CYP2U1: variants seen among roughly 807,000 people sequenced by gnomAD.
CYP2U1 encodes the protein cytochrome P450 2U1.
A neutral mutation model predicts 42.8 loss-of-function variants in CYP2U1; 28 were observed. The observed-to-expected ratio is 0.65, with a 90% CI of 0.48 to 0.90. CYP2U1 has a LOEUF of 0.90. Ranked by LOEUF, CYP2U1 falls within the 40% of genes least tolerant of loss-of-function variation. The pLI is 0.00. For synonymous variants in CYP2U1, 296 were observed against 278.9 expected, an observed-to-expected ratio of 1.06 and a Z score of -0.61; for missense variants, 642 against 693.8, an observed-to-expected ratio of 0.93 and a Z score of 0.84.
Position 107,951,795 on chromosome 4 carries a change from C to T in CYP2U1, c.*1372C>T, listed in dbSNP as rs1733917958. On this transcript the variant is annotated 3_prime_UTR_variant, in exon 5 of 5. Transcript: ENST00000332884. ...TGAACCTTTCCTCATGCTGGCTCTA[C>T]ACTTAATCCTTTACTTGTATGTTTC... The T allele has an allele frequency of 6.6e-6, 1 of 152,204 alleles. No individual in the cohort carries two copies. The highest frequency in any genetic ancestry group is 1.5e-5 in the Non-Finnish European group (1 of 68,038). 9.4% of individuals were successfully genotyped at this position (152,204 alleles called of 1,614,324 possible).
chr4:107,946,716 G>A (rs1188724168), intron 2 of CYP2U1, among the ~76,000 whole-genome samples: 1 of 152,138 alleles, frequency 6.6e-6, no homozygotes, highest in Non-Finnish European at 1.5e-5. Context: ...CATGAAGTTA[G>A]AGTTAAGATG....
intron 1 of CYP2U1, chr4:107,937,567 T>TG (rs926440798): frequency 3.9e-5 from 6 of 151,938 alleles, no homozygotes; most frequent in African/African-American, 7.3e-5. Context: ...GGAGTGCAGT[T>TG]GCAAAATCTC....
chr4:107,933,491 A>T (rs1164551400), intron 1 of CYP2U1, among the ~76,000 whole-genome samples: 4 of 152,228 alleles, frequency 2.6e-5, no homozygotes, highest in Non-Finnish European at 4.4e-5. Flanking sequence ...TCAGTGGGGC[A>T]TTTAAAGTAT....
In CYP2U1 at chr4:107,950,283, G is replaced by C; in HGVS notation, c.1495G>C (p.Glu499Gln). The change falls in exon 5 of 5, where the codon GAA becomes CAA. Residue 499 changes from glutamate (E) to glutamine (Q), a missense_variant. Glu to Gln is a conservative substitution (Grantham distance 29, BLOSUM62 2). Coordinates refer to ENST00000332884, the MANE Select transcript of CYP2U1 (RefSeq NM_183075.3). ...VCMGEQLAKMELFLMFVSLMQ... is the reference protein window; with the variant it reads ...VCMGEQLAKMQLFLMFVSLMQ... ...TATGGGAGAACAACTGGCAAAGATG[G>C]AATTATTCCTAATGTTTGTGAGCCT... The C allele has an allele frequency of 6.2e-7, 1 of 1,613,336 alleles. No homozygotes were observed. Among genetic ancestry groups the C allele is most frequent in the Non-Finnish European group, 8.5e-7 (1 of 1,179,786 alleles).
Position 107,947,595 on chromosome 4 carries a change from A to G in CYP2U1, c.1288+58A>G. The G allele has an allele frequency of 1.9e-6, 3 of 1,563,242 alleles. No individual in the cohort carries two copies. In the South Asian group the frequency reaches 3.4e-5, roughly 18 times the overall value. On this transcript the variant is annotated intron_variant, in intron 3 of 4. Transcript: ENST00000332884. ...TGACGGAAGCAGGGCCCTCTAATCC[A>G]GGGTAGTTGAGGTGAGGGGTGTGGT...
intron 1 of CYP2U1, among the ~76,000 whole-genome samples, chr4:107,944,520 G>A (rs1020730432): frequency 2.0e-5 from 3 of 150,722 alleles, no homozygotes; most frequent in Non-Finnish European, 3.0e-5. Context: ...TGCCCAAGCT[G>A]GTCTGGAACT....
Position 107,950,349 on chromosome 4 carries a change from A to C in CYP2U1, c.1561A>C (p.Lys521Gln). ...ATTTGCTTTACCTGAGGATTCTAAGAAGCCCCTCCTGACTGGAAGATTTGG... is the reference window on the plus strand; with the variant it reads ...ATTTGCTTTACCTGAGGATTCTAAGCAGCCCCTCCTGACTGGAAGATTTGG... ...FAFALPEDSK[K>Q]PLLTGRFGLT... Residue 521 changes from lysine (K) to glutamine (Q), a missense_variant, in exon 5 of 5, where the codon AAG becomes CAG. Transcript: ENST00000332884. 1 of 1,614,116 alleles carries C rather than the reference A, an allele frequency of 6.2e-7. No individual in the cohort carries two copies. The highest frequency in any genetic ancestry group is 1.6e-4 in the Middle Eastern group (1 of 6,062).
In CYP2U1 at chr4:107,951,492, T is replaced by C. The variant is rs896812741; in HGVS notation, c.*1069T>C. ...GATGGTCCCTCTGGAAAAGCAGTTT[T>C]CAGCAGGGGTGGTAACCCCTTCAGA... On this transcript the variant is annotated 3_prime_UTR_variant, in exon 5 of 5. Transcript: ENST00000332884. 6.6e-6 allele frequency: 1 copy of C among 152,224 alleles called. No homozygotes were observed. Among genetic ancestry groups the C allele is most frequent in the African/African-American group, 2.4e-5 (1 of 41,454 alleles). 9.4% of individuals were successfully genotyped at this position (152,224 alleles called of 1,614,324 possible).
In CYP2U1 at chr4:107,951,560, T is replaced by C. The variant is rs1026716809; in HGVS notation, c.*1137T>C. 1.3e-5 allele frequency: 2 copies of C among 152,250 alleles called. No homozygotes were observed. The highest frequency in any genetic ancestry group is 2.4e-5 in the African/African-American group (1 of 41,448). The allele number at this position is 152,250 out of a possible 1,614,324, so 9.4% of individuals were successfully genotyped here. A position where few individuals can be genotyped will look rare whatever the true frequency, so the allele number is the denominator to read the frequency against. On this transcript the variant is annotated 3_prime_UTR_variant, in exon 5 of 5. Coordinates refer to ENST00000332884, the MANE Select transcript of CYP2U1 (RefSeq NM_183075.3). ...TGGGTATGATTCTTGGTTATCATAA[T>C]GATGGGGGTGCTACTGGCCTTCTGC...
intron 1 of CYP2U1, chr4:107,936,350 G>A (rs1461154971): frequency 1.3e-5 from 2 of 152,204 alleles, no homozygotes; most frequent in African/African-American, 2.4e-5. Context: ...AAGATGACTA[G>A]GTCATGAGGG....
intron 1 of CYP2U1, among the ~76,000 whole-genome samples, chr4:107,941,677 G>T (rs895472385): frequency 6.6e-6 from 1 of 151,516 alleles, no homozygotes; most frequent in Non-Finnish European, 1.5e-5. Context: ...GTGAACTGCA[G>T]CTAGAGTAGT....
intron 1 of CYP2U1, among the ~76,000 whole-genome samples, chr4:107,934,954 C>T (rs1578713598): frequency 1.3e-5 from 2 of 152,322 alleles, no homozygotes; most frequent in Non-Finnish European, 1.5e-5. Flanking sequence ...CACCTCTCAA[C>T]GGAATGTGAG....
chr4:107,932,220 C>A (rs1733028761), intron 1 of CYP2U1, 87 bp downstream of exon 1: 2 of 1,471,080 alleles, frequency 1.4e-6, no homozygotes, highest in East Asian at 2.5e-5. Context: ...GTGCCCCTTC[C>A]GGCCGCCCGC....
chr4:107,945,693 A>G, intron 2 of CYP2U1, 88 bp downstream of exon 2: 2 of 1,463,968 alleles, frequency 1.4e-6, no homozygotes, highest in African/African-American at 1.4e-5. Context: ...GGCTTCTAAC[A>G]CTGAGCAATG....
At chr4:107,935,386 T>C (rs1339109464) in intron 1 of CYP2U1, among the ~76,000 whole-genome samples, 6 of 152,212 alleles carry the variant, frequency 3.9e-5, no homozygotes, top group Admixed American at 1.3e-4. Context: ...GAGACAGGAT[T>C]TTCTTAGGCA....
At position 107,945,019 on chromosome 4, in the gene CYP2U1, C is replaced by A. The variant is rs778117975; in HGVS notation, c.540C>A (p.Phe180Leu). The stretch of plus-strand genomic sequence containing the variant: ...CCGTCTGGAGACAACAAAGGAAGTT[C>A]TCTCATTCAACTCTTCGTCATTTTG... ...YGPVWRQQRK[F>L]SHSTLRHFGL... Residue 180 changes from phenylalanine (F) to leucine (L), a missense_variant, in exon 2 of 5, where the codon TTC (phenylalanine) becomes TTA (leucine). By Grantham distance (22) the Phe-to-Leu change is conservative. Transcript: ENST00000332884. The A allele has an allele frequency of 6.2e-7, 1 of 1,613,342 alleles. No individual in the cohort carries two copies. The highest frequency in any genetic ancestry group is 1.1e-5 in the South Asian group (1 of 91,002).
rs1428898139 is a variant in CYP2U1 at position 107,950,815 on chromosome 4, C to T, written c.*392C>T. ...GCACTAATGATGGTCAAATGCCTTA[C>T]ATCTTTTCTGATATCTCTAAAATGC... is the stretch of plus-strand genomic sequence containing the variant. On this transcript the variant is annotated 3_prime_UTR_variant, in exon 5 of 5. Transcript: ENST00000332884. 6.3e-6 allele frequency: 1 copy of T among 158,682 alleles called. No homozygotes were observed. Among genetic ancestry groups the T allele is most frequent in the African/African-American group, 2.4e-5 (1 of 41,654 alleles). 9.8% of individuals were successfully genotyped at this position (158,682 alleles called of 1,614,324 possible).
Position 107,931,640 on chromosome 4 carries a change from G to GCTGCCTC in CYP2U1, c.-4_-3insCTGCCTC, listed in dbSNP as rs2126187896. 1 of 1,257,636 alleles carries GCTGCCTC rather than the reference G, an allele frequency of 8.0e-7. No homozygotes were observed. The highest frequency in any genetic ancestry group is 9.9e-7 in the Non-Finnish European group (1 of 1,005,486). 77.9% of individuals were successfully genotyped at this position (1,257,636 alleles called of 1,614,324 possible). On this transcript the variant is annotated 5_prime_UTR_variant, in exon 1 of 5. Coordinates refer to ENST00000332884, the MANE Select transcript of CYP2U1 (RefSeq NM_183075.3). ...GGGAACCCGAGGCCGCCGGCGCCCG[G>GCTGCCTC]ACCATGTCGTCTCCGGGGCCGTCGC... is the stretch of plus-strand genomic sequence containing the variant.
Position 107,931,788 on chromosome 4 carries a change from A to T in CYP2U1, c.145A>T (p.Ser49Cys). ...LCGLVALLGW[S>C]WLRRRRARGI... ...CGGCCTCGTAGCGCTGCTGGGCTGGAGCTGGCTGCGGAGGCGCCGGGCGCG... is the reference window on the plus strand; with the variant it reads ...CGGCCTCGTAGCGCTGCTGGGCTGGTGCTGGCTGCGGAGGCGCCGGGCGCG... The change falls in exon 1 of 5, where the codon AGC (serine) becomes TGC (cysteine). Residue 49 changes from serine to cysteine, a missense_variant. Physicochemically the swap from Ser to Cys is moderately radical, Grantham distance 112. Coordinates refer to ENST00000332884, the MANE Select transcript of CYP2U1 (RefSeq NM_183075.3). 4.0e-6 allele frequency: 6 copies of T among 1,509,280 alleles called. No individual in the cohort carries two copies. The highest frequency in any genetic ancestry group is 5.3e-6 in the Non-Finnish European group (6 of 1,131,438). 93.5% of individuals were successfully genotyped at this position (1,509,280 alleles called of 1,614,324 possible).
Sources: gnomAD v4.1 joint callset for allele counts (sites outside exome capture counted in the v4.1 genomes callset) on GRCh38, gnomAD v4.1.1 for gene constraint, MANE v1.5 for transcripts, NCBI Gene and HGNC (gene_info 2026-07-23, HGNC 2026-07-21) for gene names.